Variants in WWOX observed in about 807,000 individuals in gnomAD.
WWOX encodes the protein WW domain containing oxidoreductase.
Under a neutral mutation model 46.2 loss-of-function variants are expected in WWOX, and 69 were observed. The ratio of observed to expected loss-of-function variants is 1.49; its 90% confidence interval spans 1.23 to 1.82. The LOEUF is 1.82. WWOX is among the 40% of genes most tolerant of loss of function. WWOX has a pLI of 0.00. For synonymous variants in WWOX, 359 were observed against 202.6 expected, an observed-to-expected ratio of 1.77 and a Z score of -6.56; for missense variants, 919 against 542.6, an observed-to-expected ratio of 1.69 and a Z score of -6.89.
At chr16:78,941,799 C>A (rs776414191) in intron 8 of WWOX, among the ~76,000 whole-genome samples, 1 of 152,090 alleles carries the variant, frequency 6.6e-6, no homozygotes, top group Non-Finnish European at 1.5e-5. Flanking sequence ...AAAAGAAGTA[C>A]TTCATGTAAG....
chr16:78,723,553 CCTTCTTTTCTTTTCTTTT>C (rs2048743515), intron 8 of WWOX, among the ~76,000 whole-genome samples: 1 of 145,094 alleles, frequency 6.9e-6, no homozygotes, highest in Non-Finnish European at 1.5e-5. Context: ...TGATTCCCAG[CCTTCTTTTCTTTTCTTTT>C]CTTTTCTTTT....
chr16:78,750,154 G>C (rs1201413166), intron 8 of WWOX, among the ~76,000 whole-genome samples: 1 of 152,222 alleles, frequency 6.6e-6, no homozygotes, highest in African/African-American at 2.4e-5. Flanking sequence ...CAACACCTCG[G>C]TGAAAGTAGA....
intron 8 of WWOX, among the ~76,000 whole-genome samples, chr16:78,597,845 C>G (rs1364021531): frequency 6.7e-6 from 1 of 149,502 alleles, no homozygotes; most frequent in Non-Finnish European, 1.5e-5. Flanking sequence ...TTTTTAAATT[C>G]AGAAATTTCT....
chr16:79,059,882 A>G (rs1225291018), intron 8 of WWOX, among the ~76,000 whole-genome samples: 1 of 152,250 alleles, frequency 6.6e-6, no homozygotes, highest in Non-Finnish European at 1.5e-5. Context: ...CTTTATTAAC[A>G]ACTTGAGTAA....
intron 8 of WWOX, among the ~76,000 whole-genome samples, chr16:78,474,404 T>A (rs9937755): frequency 1.3e-5 from 2 of 152,282 alleles, no homozygotes; most frequent in African/African-American, 4.8e-5. Flanking sequence ...ACAGAAGATA[T>A]TTTGTAGTGA....
At chr16:78,841,559 T>A (rs572818394) in intron 8 of WWOX, among the ~76,000 whole-genome samples, 2 of 152,356 alleles carry the variant, frequency 1.3e-5, no homozygotes, top group Admixed American at 1.3e-4. Context: ...ACCAATATGA[T>A]GTCTGTATTA....
chr16:78,486,868 G>A (rs1432626223), intron 8 of WWOX, among the ~76,000 whole-genome samples: 1 of 152,128 alleles, frequency 6.6e-6, no homozygotes, highest in Non-Finnish European at 1.5e-5. Flanking sequence ...CACCGCCCCC[G>A]ACCATTGTCT....
intron 6 of WWOX, among the ~76,000 whole-genome samples, chr16:78,406,648 A>G (rs1241754098): frequency 2.4e-5 from 3 of 126,196 alleles, no homozygotes; most frequent in African/African-American, 6.3e-5. Context: ...TTTTTGAGAG[A>G]TGGAGTGTCA....
intron 8 of WWOX, among the ~76,000 whole-genome samples, chr16:78,987,260 T>A (rs1224172438): frequency 1.6e-4 from 25 of 152,210 alleles, no homozygotes; most frequent in Admixed American, 1.6e-3. Flanking sequence ...CTGGCTTTAT[T>A]GATTGCTTTA....
intron 5 of WWOX, among the ~76,000 whole-genome samples, chr16:78,300,150 T>A (rs1411323367): frequency 6.6e-6 from 1 of 152,234 alleles, no homozygotes; most frequent in Non-Finnish European, 1.5e-5. Flanking sequence ...AATTTTCTTT[T>A]TAAAAAGTAA....
At chr16:78,874,382 A>C (rs1328644063) in intron 8 of WWOX, among the ~76,000 whole-genome samples, 1 of 152,102 alleles carries the variant, frequency 6.6e-6, no homozygotes, top group Non-Finnish European at 1.5e-5. Context: ...AGCGGAGGGA[A>C]AGCAGACGCA....
intron 8 of WWOX, among the ~76,000 whole-genome samples, chr16:78,783,155 A>T (rs1323011378): frequency 6.6e-6 from 1 of 152,228 alleles, no homozygotes; most frequent in African/African-American, 2.4e-5. Context: ...CATCTCCATC[A>T]TTTATAATGG....
intron 5 of WWOX, among the ~76,000 whole-genome samples, chr16:78,352,388 G>C (rs997449033): frequency 6.6e-6 from 1 of 152,162 alleles, no homozygotes; most frequent in Non-Finnish European, 1.5e-5. Context: ...GTGTCAGCAG[G>C]ACACCATTTC....
chr16:78,141,831 T>C (rs1013491434), intron 4 of WWOX, among the ~76,000 whole-genome samples: 1 of 152,078 alleles, frequency 6.6e-6, no homozygotes, highest in Admixed American at 6.6e-5. Flanking sequence ...TGCTAAACAA[T>C]GGAAATTTCC....
chr16:79,150,099 T>G (rs931882530), intron 8 of WWOX, among the ~76,000 whole-genome samples: 5 of 152,218 alleles, frequency 3.3e-5, no homozygotes, highest in African/African-American at 1.2e-4. Flanking sequence ...CTCACAGATG[T>G]GATTCACTGG....
At chr16:78,418,219 T>C (rs377038413) in intron 6 of WWOX, among the ~76,000 whole-genome samples, 2 of 151,382 alleles carry the variant, frequency 1.3e-5, no homozygotes, top group Non-Finnish European at 3.0e-5. Context: ...ACAAGATTAG[T>C]GGGGCGTGGT....
chr16:79,073,612 G>A (rs527885095), intron 8 of WWOX, among the ~76,000 whole-genome samples: 181 of 152,310 alleles, frequency 1.2e-3, no homozygotes, highest in Non-Finnish European at 2.1e-3. Flanking sequence ...TCAAATGTCT[G>A]TTCTCCCTTT....
intron 8 of WWOX, among the ~76,000 whole-genome samples, chr16:78,883,596 C>T (rs1284983500): frequency 6.6e-6 from 1 of 151,882 alleles, no homozygotes; most frequent in African/African-American, 2.4e-5. Flanking sequence ...TGGTGGTGCC[C>T]ACCTGTAATC....
intron 8 of WWOX, among the ~76,000 whole-genome samples, chr16:78,737,875 GAT>G (rs768509351): frequency 9.9e-5 from 15 of 152,154 alleles, no homozygotes; most frequent in South Asian, 2.1e-4. Flanking sequence ...TTCCCTCACC[GAT>G]CCCTTCCAAA....
Sources: allele counts gnomAD v4.1 joint callset (sites outside exome capture counted in the v4.1 genomes callset), GRCh38; gene constraint gnomAD v4.1.1; transcripts MANE v1.5; gene names NCBI Gene and HGNC (gene_info 2026-07-23, HGNC 2026-07-21).